The following SHROOM4 variants were observed in gnomAD, a reference collection of about 807,000 sequenced individuals.
SHROOM4 encodes protein Shroom4.
A neutral mutation model predicts 80.3 loss-of-function variants in SHROOM4; 17 were observed. The observed-to-expected ratio is 0.21, with a 90% CI of 0.14 to 0.32. SHROOM4 has a LOEUF of 0.32. Among genes scored for constraint, SHROOM4 ranks in the 10% least tolerant of loss-of-function variants. SHROOM4 has a pLI of 1.00. For missense variants in SHROOM4, 993 were observed against 1,140.3 expected (o/e 0.87, Z 1.86); for synonymous variants, 400 against 437.5 (o/e 0.91, Z 1.07).
At chrX:50,666,384 G>A (rs1439026911) in intron 2 of SHROOM4, among the ~76,000 whole-genome samples, 1 of 111,459 alleles carries the variant, frequency 9.0e-6, no homozygotes, top group Non-Finnish European at 1.9e-5. Flanking sequence ...ACTTACTGTG[G>A]CGTGAAAGGG....
At chrX:50,615,604 G>A (rs1557250665) in intron 5 of SHROOM4, among the ~76,000 whole-genome samples, 1 of 112,164 alleles carries the variant, frequency 8.9e-6, no homozygotes, top group Non-Finnish European at 1.9e-5. Flanking sequence ...TGGGTGCTCA[G>A]TACATATTTC....
At chrX:50,729,753 T>C (rs1175239057) in intron 1 of SHROOM4, among the ~76,000 whole-genome samples, 2 of 111,055 alleles carry the variant, frequency 1.8e-5, no homozygotes, top group African/African-American at 3.3e-5. Flanking sequence ...AAAACACTAC[T>C]AATCATATCT....
In SHROOM4 at chrX:50,586,968, T is replaced by C. The variant is rs1361985755; in HGVS notation, c.*9727A>G. Reference sequence around the variant, plus strand: ...ATCTACTCTTAGAAAATTTCCAGTATTCAATACAGCATTATTAACTATAGA... The same window carrying C: ...ATCTACTCTTAGAAAATTTCCAGTACTCAATACAGCATTATTAACTATAGA... On this transcript the variant is annotated 3_prime_UTR_variant, in exon 9 of 9. Transcript: ENST00000376020. Among the ~76,000 whole-genome samples, 2 of 111,923 alleles carry C rather than the reference T, an allele frequency of 1.8e-5. No individual in the cohort carries two copies. Among genetic ancestry groups the C allele is most frequent in the Admixed American group, 9.5e-5 (1 of 10,509 alleles).
rs1171426641 is a variant in SHROOM4, at chrX:50,596,221, T to G, written c.*474A>C. ...CAAAGCTTGGGTGAGGCCCTGAAAC[T>G]GGTGCCAGGTGAATGCCCTCAAGGC... On this transcript the variant is annotated 3_prime_UTR_variant, in exon 9 of 9. Transcript: ENST00000376020. 1 of 333,337 alleles carries G rather than the reference T, an allele frequency of 3.0e-6. No individual in the cohort carries two copies. The highest frequency in any genetic ancestry group is 9.6e-5 in the East Asian group (1 of 10,406). The allele number at this position is 333,337 out of a possible 1,213,427, so 27.5% of individuals were successfully genotyped here. A position where few individuals can be genotyped will look rare whatever the true frequency, so the allele number is the denominator to read the frequency against.
intron 1 of SHROOM4, among the ~76,000 whole-genome samples, chrX:50,717,138 C>T (rs1324071092): frequency 8.9e-6 from 1 of 111,995 alleles, no homozygotes; most frequent in African/African-American, 3.2e-5. Context: ...GGGGATCCAT[C>T]TCAGAGAAAG....
At position 50,684,034 on chromosome X, in the gene SHROOM4, A is replaced by T. The variant is rs1213576172; in HGVS notation, c.269+11752T>A. Among the ~76,000 whole-genome samples, 5 of 112,063 alleles carry T rather than the reference A, an allele frequency of 4.5e-5. No homozygotes were observed. In the Admixed American group the frequency reaches 4.7e-4, roughly 11 times the overall value. On this transcript the variant is annotated intron_variant, in intron 2 of 8. Coordinates refer to ENST00000376020, the MANE Select transcript of SHROOM4 (RefSeq NM_020717.5). ...CAAAGGAAGATAAAATTTTTAGAAGACAATAATGTTCAACAATGTTAAGTG... is the reference window on the plus strand; with the variant it reads ...CAAAGGAAGATAAAATTTTTAGAAGTCAATAATGTTCAACAATGTTAAGTG...
rs1244787569 is a variant in SHROOM4 at position 50,770,704 on chromosome X, C to A, written c.117+43198G>T. 1.7e-4 allele frequency among the ~76,000 whole-genome samples: 19 copies of A among 112,006 alleles called. No individual in the cohort carries two copies. The Admixed American group carries it at 1.8e-3, about 11-fold the overall frequency. ...TCATTGAAAACATTCCTGCAAGGAG[C>A]ACCCTTTGTAAGGTGGAGCCTGGCC... On this transcript the variant is annotated intron_variant, in intron 1 of 8. Coordinates refer to ENST00000376020, the MANE Select transcript of SHROOM4 (RefSeq NM_020717.5).
rs1557249563 is a variant in SHROOM4, at chrX:50,610,343, C to CTG, written c.2958-2160_2958-2159insCA. Among the ~76,000 whole-genome samples the CTG allele has an allele frequency of 4.7e-5, 4 of 85,460 alleles. No individual in the cohort carries two copies. The East Asian group carries it at 1.3e-3, about 28-fold the overall frequency. 74.2% of individuals were successfully genotyped at this position (85,460 alleles called of 115,157 possible). A position where few individuals can be genotyped will look rare whatever the true frequency, so the allele number is the denominator to read the frequency against. On this transcript the variant is annotated intron_variant, in intron 5 of 8. Coordinates refer to ENST00000376020, the MANE Select transcript of SHROOM4 (RefSeq NM_020717.5). ...GTTCCACCTGGCATATTCTCTCTCT[C>CTG]TCTCTCTCTCACACACACACACACA... is the stretch of plus-strand genomic sequence containing the variant.
chrX:50,734,826 T>C (rs1006404824), intron 1 of SHROOM4, among the ~76,000 whole-genome samples: 1 of 111,202 alleles, frequency 9.0e-6, no homozygotes, highest in Non-Finnish European at 1.9e-5. Flanking sequence ...CTCGTGGTAG[T>C]GAATAAGTCT....
chrX:50,610,961 T>A (rs1929943977), intron 5 of SHROOM4, among the ~76,000 whole-genome samples: 1 of 110,672 alleles, frequency 9.0e-6, no homozygotes, highest in Admixed American at 9.6e-5. Flanking sequence ...AGTCAAAAAC[T>A]AAGATAATGA....
chrX:50,767,566 T>G (rs1480173574), intron 1 of SHROOM4, among the ~76,000 whole-genome samples: 2 of 111,610 alleles, frequency 1.8e-5, no homozygotes, highest in Non-Finnish European at 3.8e-5. Flanking sequence ...GAGGGCCTCT[T>G]CTCCTGCACC....
intron 1 of SHROOM4, among the ~76,000 whole-genome samples, chrX:50,801,237 G>A (rs1557272546): frequency 2.6e-5 from 2 of 77,943 alleles, no homozygotes; most frequent in Admixed American, 3.1e-4. Flanking sequence ...GAGAAGGAGG[G>A]AGGGAAGGAG....
chrX:50,690,433 A>T (rs1933190396), intron 2 of SHROOM4, among the ~76,000 whole-genome samples: 1 of 111,768 alleles, frequency 8.9e-6, no homozygotes. Context: ...ATTATTAGTC[A>T]TTTAATTTCA....
intron 1 of SHROOM4, among the ~76,000 whole-genome samples, chrX:50,737,836 G>A (rs1475518164): frequency 9.0e-6 from 1 of 111,601 alleles, no homozygotes; most frequent in Non-Finnish European, 1.9e-5. Context: ...TATGAGGCCA[G>A]GATCGTCCTG....
At chrX:50,613,665 C>T (rs192900549) in intron 5 of SHROOM4, among the ~76,000 whole-genome samples, 1 of 111,847 alleles carries the variant, frequency 8.9e-6, no homozygotes, top group African/African-American at 3.2e-5. Flanking sequence ...AAACTAGATG[C>T]ACATAAATGA....
At chrX:50,769,632 A>T (rs1935356151) in intron 1 of SHROOM4, among the ~76,000 whole-genome samples, 1 of 111,638 alleles carries the variant, frequency 9.0e-6, no homozygotes, top group Non-Finnish European at 1.9e-5. Flanking sequence ...CCTGCTCTGG[A>T]AACAAGACCT....
At chrX:50,720,665 AAGGT>A (rs1934085077) in intron 1 of SHROOM4, among the ~76,000 whole-genome samples, 1 of 111,562 alleles carries the variant, frequency 9.0e-6, no homozygotes, top group African/African-American at 3.3e-5. Flanking sequence ...CTGCCTTCCC[AAGGT>A]ATGTTCAGTG....
intron 1 of SHROOM4, among the ~76,000 whole-genome samples, chrX:50,802,680 T>G (rs1936150514): frequency 8.9e-6 from 1 of 111,929 alleles, no homozygotes; most frequent in African/African-American, 3.2e-5. Context: ...GCTAGGTGCT[T>G]TATTCTTGAG....
In SHROOM4 at chrX:50,587,834, T is replaced by G. The variant is rs1928790598; in HGVS notation, c.*8861A>C. On this transcript the variant is annotated 3_prime_UTR_variant, in exon 9 of 9. Coordinates refer to ENST00000376020, the MANE Select transcript of SHROOM4 (RefSeq NM_020717.5). ...TGCTACCACAATTCTGAATTTTGAT[T>G]AAATAGTGTTTCAAAATCACAGATC... is the stretch of plus-strand genomic sequence containing the variant. 8.9e-6 allele frequency among the ~76,000 whole-genome samples: 1 copy of G among 112,379 alleles called. No individual in the cohort carries two copies. The highest frequency in any genetic ancestry group is 1.9e-5 in the Non-Finnish European group (1 of 53,260).
Sources: gnomAD v4.1 joint callset for allele counts (sites outside exome capture counted in the v4.1 genomes callset) on GRCh38, gnomAD v4.1.1 for gene constraint, MANE v1.5 for transcripts, NCBI Gene and HGNC (gene_info 2026-07-23, HGNC 2026-07-21) for gene names.